The following FOXN1 variants were observed in gnomAD, a reference collection of about 807,000 sequenced individuals.
The protein encoded by FOXN1 is forkhead box N1.
Under a neutral mutation model 49.0 loss-of-function variants are expected in FOXN1, and 15 were observed. The observed-to-expected ratio is 0.31, with a 90% CI of 0.20 to 0.47. The LOEUF (loss-of-function observed/expected upper bound fraction) is 0.47. FOXN1 is among the 20% of genes least tolerant of loss of function. The pLI, the probability that FOXN1 is intolerant of heterozygous loss-of-function variation, is 1.00. For missense variants in FOXN1, 800 were observed against 842.8 expected, an observed-to-expected ratio of 0.95 and a Z score of 0.63; for synonymous variants, 356 against 369.0, an observed-to-expected ratio of 0.96 and a Z score of 0.40.
In FOXN1 at chr17:28,537,353, G is replaced by A. The variant is rs768443971; in HGVS notation, c.1864G>A (p.Glu622Lys). Residue 622 changes from glutamate (E) to lysine (K), a missense_variant, in exon 9 of 9, where the codon GAG (glutamate) becomes AAG (lysine). Glu to Lys is a moderately conservative substitution (Grantham distance 56). Transcript: ENST00000579795. ...CACCACCCTCTACTCTGCCTTTATG[G>A]AGCTGGAGCCCACGCCCCCCACGGC... ...HLTTLYSAFMELEPTPPTAPA... is the reference protein window; with the variant it reads ...HLTTLYSAFMKLEPTPPTAPA... 12 of 1,613,028 alleles carry A rather than the reference G, an allele frequency of 7.4e-6. No homozygotes were observed. In the South Asian group the frequency reaches 1.3e-4, roughly 18 times the overall value.
chr17:28,522,062 G>T (rs759743490), intron 1 of FOXN1, among the ~76,000 whole-genome samples: 23 of 152,244 alleles, frequency 1.5e-4, no homozygotes, highest in Non-Finnish European at 1.8e-4. Context: ...TAAGCAGAGT[G>T]CAGAGTCTGC....
chr17:28,534,557 C>T lies in FOXN1; in HGVS notation c.1135+19C>T, dbSNP rs200567079. 2.6e-5 allele frequency: 42 copies of T among 1,609,508 alleles called. No homozygotes were observed. Among genetic ancestry groups the T allele is most frequent in the East Asian group, 2.5e-4 (11 of 44,806 alleles). On this transcript the variant is annotated intron_variant, in intron 7 of 8. Coordinates refer to ENST00000579795, the MANE Select transcript of FOXN1 (RefSeq NM_001369369.1). The surrounding 1 kb of genome is among the most constrained non-coding windows in gnomAD (Gnocchi z 4.1). Reference sequence around the variant, plus strand: ...AAGCCAGGTGAGGCCGGCCGGGCCACGCAAGGAAGGGCCCAGGGTACTCAT... The same window carrying T: ...AAGCCAGGTGAGGCCGGCCGGGCCATGCAAGGAAGGGCCCAGGGTACTCAT...
In FOXN1 at chr17:28,523,997, G is replaced by A. The variant is rs1334824692; in HGVS notation, c.28G>A (p.Asp10Asn). 1.9e-6 allele frequency: 3 copies of A among 1,613,120 alleles called. No homozygotes were observed. Among genetic ancestry groups the A allele is most frequent in the Middle Eastern group, 1.7e-4 (1 of 5,880 alleles). Residue 10 changes from aspartate (D) to asparagine (N), a missense_variant, in exon 2 of 9, where the codon GAC (aspartate) becomes AAC (asparagine). Transcript: ENST00000579795. MVSLPPPQS[D>N]VTLPGPTRLE... ...GGTGTCGCTACCCCCGCCGCAGTCT[G>A]ACGTCACGCTGCCGGGCCCCACCAG...
chr17:28,517,194 G>C (rs2069529431), intron 1 of FOXN1, among the ~76,000 whole-genome samples: 1 of 140,250 alleles, frequency 7.1e-6, no homozygotes, highest in African/African-American at 2.7e-5. Flanking sequence ...ACCTCCACAG[G>C]ATACACACCT....
chr17:28,531,207 T>C (rs998792023), intron 6 of FOXN1, among the ~76,000 whole-genome samples: 1 of 152,182 alleles, frequency 6.6e-6, no homozygotes, highest in Non-Finnish European at 1.5e-5. Flanking sequence ...CCCCGACCGC[T>C]GGGATGCTGT....
chr17:28,517,508 ACACACCTC>A (rs1383140779), intron 1 of FOXN1, among the ~76,000 whole-genome samples: 6 of 149,714 alleles, frequency 4.0e-5, no homozygotes, highest in African/African-American at 9.9e-5. Flanking sequence ...TCCACAGGGT[ACACACCTC>A]CACAGGGTAC....
Position 28,524,541 on chromosome 17 carries a change from C to T in FOXN1, c.162C>T (p.Asp54=), listed in dbSNP as rs200786966. ...AGFSCSSFVS[D]GPPERTPSLP... Reference sequence around the variant, plus strand: ...TCAGCTGCTCGTCATTTGTGTCCGACGGCCCTCCAGAGAGGACACCCTCAC... The same window carrying T: ...TCAGCTGCTCGTCATTTGTGTCCGATGGCCCTCCAGAGAGGACACCCTCAC... Residue 54 remains aspartate, a synonymous_variant, in exon 3 of 9, where the codon GAC becomes GAT. Coordinates refer to ENST00000579795, the MANE Select transcript of FOXN1 (RefSeq NM_001369369.1). The T allele has an allele frequency of 3.0e-4, 491 of 1,613,650 alleles. 3 individuals carry two copies. The highest frequency in any genetic ancestry group is 1.4e-4 in the Non-Finnish European group (161 of 1,180,014).
intron 4 of FOXN1, among the ~76,000 whole-genome samples, chr17:28,528,061 C>A (rs2069813997): frequency 6.6e-6 from 1 of 152,256 alleles, no homozygotes; most frequent in Admixed American, 6.5e-5. Context: ...GCTCCATCCA[C>A]CTGCAGCCTG....
intron 2 of FOXN1, 138 bp downstream of exon 2, chr17:28,524,230 G>A: frequency 1.1e-6 from 1 of 900,352 alleles, no homozygotes. Context: ...AAGTCCTCAG[G>A]GACCCCGAGA....
chr17:28,534,188 G>T lies in FOXN1; in HGVS notation c.928-143G>T. On this transcript the variant is annotated intron_variant, in intron 6 of 8. Coordinates refer to ENST00000579795, the MANE Select transcript of FOXN1 (RefSeq NM_001369369.1). The surrounding 1 kb of genome is among the most constrained non-coding windows in gnomAD (Gnocchi z 4.1). ...ACCAAAGGGTACCAAGCAAGGGATG[G>T]GTGCTGAGGAGGACAACAAGCCCCA... The T allele has an allele frequency of 1.7e-6, 2 of 1,153,472 alleles. No homozygotes were observed. The highest frequency in any genetic ancestry group is 1.3e-6 in the Non-Finnish European group (1 of 790,048). 71.5% of individuals were successfully genotyped at this position (1,153,472 alleles called of 1,614,324 possible). A position where few individuals can be genotyped will look rare whatever the true frequency, so the allele number is the denominator to read the frequency against.
At chr17:28,515,207 G>A (rs1257606818) in intron 1 of FOXN1, among the ~76,000 whole-genome samples, 1 of 151,932 alleles carries the variant, frequency 6.6e-6, no homozygotes, top group Non-Finnish European at 1.5e-5. Context: ...CAGCTCTGTG[G>A]GCCAGATACA....
At chr17:28,516,662 C>A (rs917006588) in intron 1 of FOXN1, among the ~76,000 whole-genome samples, 1 of 150,746 alleles carries the variant, frequency 6.6e-6, no homozygotes, top group Admixed American at 6.6e-5. Flanking sequence ...GTACACACCT[C>A]CACAGGATCC....
At chr17:28,525,500 C>T (rs2151488249) in intron 3 of FOXN1, among the ~76,000 whole-genome samples, 1 of 152,308 alleles carries the variant, frequency 6.6e-6, no homozygotes, top group East Asian at 1.9e-4. Context: ...CTTCCATAGC[C>T]TGACCTCCAT....
intron 1 of FOXN1, among the ~76,000 whole-genome samples, chr17:28,509,878 A>G (rs1351839114): frequency 1.3e-5 from 2 of 152,070 alleles, no homozygotes; most frequent in African/African-American, 2.4e-5. Flanking sequence ...AGGAGCAGGG[A>G]TTTTTAGGGT....
chr17:28,526,204 C>T (rs966490933), intron 3 of FOXN1, among the ~76,000 whole-genome samples: 1 of 152,220 alleles, frequency 6.6e-6, no homozygotes, highest in African/African-American at 2.4e-5. Context: ...TGACCTTGGG[C>T]ATATTGCTTC....
chr17:28,530,014 T>TA (rs59048773), intron 5 of FOXN1, among the ~76,000 whole-genome samples: 6,861 of 128,856 alleles, frequency 0.053, 445 homozygotes, highest in African/African-American at 0.16. Context: ...TATTCCTCTT[T>TA]AAAAAAAAAA....
intron 1 of FOXN1, among the ~76,000 whole-genome samples, chr17:28,514,346 T>C (rs926213812): frequency 2.0e-5 from 3 of 152,122 alleles, no homozygotes; most frequent in African/African-American, 7.2e-5. Flanking sequence ...GCTCTGTACT[T>C]GAGTCAGATC....
At position 28,537,176 on chromosome 17, in the gene FOXN1, A is replaced by G; in HGVS notation, c.1687A>G (p.Thr563Ala). The G allele has an allele frequency of 6.2e-7, 1 of 1,613,762 alleles. No homozygotes were observed. Among genetic ancestry groups the G allele is most frequent in the Non-Finnish European group, 8.5e-7 (1 of 1,179,844 alleles). ...SLALDPLVLV[T>A]SSPTSSSMPP... ...GGCCCTCGACCCCCTGGTACTGGTG[A>G]CCTCATCCCCGACATCATCTTCGAT... The change falls in exon 9 of 9, where the codon ACC becomes GCC. Residue 563 changes from threonine (T) to alanine (A), a missense_variant. Transcript: ENST00000579795.
chr17:28,516,819 A>T (rs1597538274), intron 1 of FOXN1, among the ~76,000 whole-genome samples: 1 of 78,102 alleles, frequency 1.3e-5, no homozygotes. Context: ...ACACCTCCAC[A>T]GGATACACAC....
Sources: allele counts gnomAD v4.1 joint callset (sites outside exome capture counted in the v4.1 genomes callset), GRCh38; gene constraint gnomAD v4.1.1; non-coding constraint Gnocchi (gnomAD v3.1); transcripts MANE v1.5; gene names NCBI Gene and HGNC (gene_info 2026-07-23, HGNC 2026-07-21).